Variants in THSD7A observed in about 807,000 individuals in gnomAD.
THSD7A encodes thrombospondin type 1 domain containing 7A, also known as thrombospondin type-1 domain-containing protein 7A.
Under a neutral mutation model 231.3 loss-of-function variants are expected in THSD7A, and 96 were observed. The ratio of observed to expected loss-of-function variants is 0.41; its 90% CI spans 0.35 to 0.49. The LOEUF (loss-of-function observed/expected upper bound fraction) is 0.49, where lower values mean the gene tolerates loss of function less well. THSD7A is among the 20% of genes least tolerant of loss of function. The probability of loss-of-function intolerance (pLI) is 0.05; values close to 1 mark genes in which losing one functional copy is unlikely to be tolerated. For synonymous variants in THSD7A, 940 were observed against 743.3 expected, an observed-to-expected ratio of 1.26 and a Z score of -4.30; for missense variants, 2,290 against 2,070.2, an observed-to-expected ratio of 1.11 and a Z score of -2.06.
chr7:11,569,374 T>C (rs1197629878), intron 4 of THSD7A, among the ~76,000 whole-genome samples: 12 of 152,150 alleles, frequency 7.9e-5, no homozygotes, highest in Admixed American at 7.2e-4. Context: ...AGGGTCTGAA[T>C]AGACATTTCT....
intron 1 of THSD7A, among the ~76,000 whole-genome samples, chr7:11,759,311 G>C (rs146606085): frequency 2.0e-5 from 3 of 152,096 alleles, no homozygotes; most frequent in African/African-American, 4.8e-5. Context: ...ATTTGAAAAA[G>C]AACCAATGAA....
At chr7:11,813,497 A>T (rs1784589744) in intron 1 of THSD7A, among the ~76,000 whole-genome samples, 1 of 152,066 alleles carries the variant, frequency 6.6e-6, no homozygotes, top group South Asian at 2.1e-4. Flanking sequence ...GCGGATCACG[A>T]GGTCAGGAGA....
At chr7:11,662,695 A>G (rs1782975381) in intron 1 of THSD7A, among the ~76,000 whole-genome samples, 1 of 151,378 alleles carries the variant, frequency 6.6e-6, no homozygotes, top group Admixed American at 6.6e-5. Context: ...TAAACCTCAA[A>G]GGATTGAAAT....
At chr7:11,403,103 C>G (rs1368661248) in intron 22 of THSD7A, among the ~76,000 whole-genome samples, 1 of 152,166 alleles carries the variant, frequency 6.6e-6, no homozygotes, top group Non-Finnish European at 1.5e-5. Flanking sequence ...CTTAGTGATA[C>G]TCTTCAGAGT....
intron 1 of THSD7A, among the ~76,000 whole-genome samples, chr7:11,734,474 T>G (rs1781840483): frequency 6.6e-6 from 1 of 151,994 alleles, no homozygotes; most frequent in African/African-American, 2.4e-5. Flanking sequence ...GTGGTCAATC[T>G]TTTTCCATAT....
chr7:11,696,720 C>G (rs1354074468), intron 1 of THSD7A, among the ~76,000 whole-genome samples: 1 of 151,334 alleles, frequency 6.6e-6, no homozygotes, highest in African/African-American at 2.4e-5. Context: ...ATGGGGCTAC[C>G]TGGGAAAGTA....
intron 1 of THSD7A, among the ~76,000 whole-genome samples, chr7:11,818,442 TC>T (rs1784775373): frequency 6.6e-6 from 1 of 152,212 alleles, no homozygotes; most frequent in African/African-American, 2.4e-5. Flanking sequence ...CCTGTCTCCT[TC>T]CTGAGGGCGC....
chr7:11,677,584 CAAAAAAAAAA>C (rs553030554), intron 1 of THSD7A, among the ~76,000 whole-genome samples: 12 of 22,274 alleles, frequency 5.4e-4, no homozygotes, highest in South Asian at 6.0e-3. Context: ...AAATGGAAAG[CAAAAAAAAAA>C]AAAAAAAAAA....
intron 6 of THSD7A, among the ~76,000 whole-genome samples, chr7:11,523,052 G>A (rs893967665): frequency 4.6e-5 from 7 of 152,010 alleles, no homozygotes; most frequent in Admixed American, 3.3e-4. Context: ...AGAAAATGGC[G>A]TTGTATTAGT....
intron 6 of THSD7A, among the ~76,000 whole-genome samples, chr7:11,484,788 G>T (rs182360918): frequency 4.7e-5 from 7 of 147,504 alleles, no homozygotes; most frequent in Admixed American, 4.1e-4. Flanking sequence ...TCCCGAAAGT[G>T]TATTTAGTGG....
chr7:11,715,883 A>G (rs1226657513), intron 1 of THSD7A, among the ~76,000 whole-genome samples: 1 of 151,560 alleles, frequency 6.6e-6, no homozygotes, highest in East Asian at 2.0e-4. Flanking sequence ...AAGGCAAATC[A>G]AATTTCTCTT....
chr7:11,700,018 A>G (rs778377375), intron 1 of THSD7A, among the ~76,000 whole-genome samples: 3 of 151,324 alleles, frequency 2.0e-5, no homozygotes, highest in Non-Finnish European at 4.4e-5. Flanking sequence ...CCTTAAAGTT[A>G]TTTGGTAATA....
chr7:11,376,771 AG>A (rs1782292112), intron 26 of THSD7A, 114 bp from the exon 27 acceptor site: 1 of 614,228 alleles, frequency 1.6e-6, no homozygotes, highest in African/African-American at 1.9e-5. Context: ...AAACCCGAAA[AG>A]AATTATTGCT....
rs1345871057 is a variant in THSD7A, at chr7:11,372,415, C to T, written c.*3379G>A. ...TTTGCCTTGTTAGAAGTAATTTGTGCTTTGTTATAAGTAATTAAAAACAAG... is the reference window on the plus strand; with the variant it reads ...TTTGCCTTGTTAGAAGTAATTTGTGTTTTGTTATAAGTAATTAAAAACAAG... On this transcript the variant is annotated 3_prime_UTR_variant, in exon 28 of 28. Coordinates refer to ENST00000423059, the MANE Select transcript of THSD7A (RefSeq NM_015204.3). 1.4e-5 allele frequency: 2 copies of T among 147,638 alleles called. No individual in the cohort carries two copies. The highest frequency in any genetic ancestry group is 3.0e-5 in the Non-Finnish European group (2 of 67,192). The allele number at this position is 147,638 out of a possible 1,614,324, so 9.1% of individuals were successfully genotyped here. A position where few individuals can be genotyped will look rare whatever the true frequency, so the allele number is the denominator to read the frequency against.
chr7:11,606,604 T>A (rs1198168684), intron 2 of THSD7A, among the ~76,000 whole-genome samples: 1 of 152,142 alleles, frequency 6.6e-6, no homozygotes, highest in African/African-American at 2.4e-5. Context: ...CTTATAATAT[T>A]CTTATTGAGT....
intron 2 of THSD7A, among the ~76,000 whole-genome samples, chr7:11,618,094 T>C (rs1781170798): frequency 6.6e-6 from 1 of 152,228 alleles, no homozygotes; most frequent in Non-Finnish European, 1.5e-5. Flanking sequence ...GAATATGTCC[T>C]ACAGAAATTA....
At chr7:11,642,485 G>C (rs146788720) in intron 1 of THSD7A, among the ~76,000 whole-genome samples, 133 of 152,188 alleles carry the variant, frequency 8.7e-4, no homozygotes, top group African/African-American at 3.1e-3. Context: ...ATCATACAAA[G>C]CACTTCTACA....
intron 1 of THSD7A, among the ~76,000 whole-genome samples, chr7:11,753,603 C>A (rs901574103): frequency 6.6e-6 from 1 of 151,280 alleles, no homozygotes; most frequent in Admixed American, 6.6e-5. Flanking sequence ...ACTGCCCCTA[C>A]CATTGTTTCT....
chr7:11,404,712 G>A (rs1201996396), intron 22 of THSD7A, among the ~76,000 whole-genome samples: 2 of 152,050 alleles, frequency 1.3e-5, no homozygotes, highest in African/African-American at 4.8e-5. Flanking sequence ...ACTTTGCCTG[G>A]CTTTAGAAAG....
Sources: allele counts gnomAD v4.1 joint callset (sites outside exome capture counted in the v4.1 genomes callset), GRCh38; gene constraint gnomAD v4.1.1; transcripts MANE v1.5; gene names NCBI Gene and HGNC (gene_info 2026-07-23, HGNC 2026-07-21).